PRCC: variants seen among roughly 807,000 people sequenced by gnomAD.
PRCC encodes the protein proline rich mitotic checkpoint control factor.
Under a neutral mutation model 44.0 loss-of-function variants are expected in PRCC, and 10 were observed. The ratio of observed to expected loss-of-function variants is 0.23; its 90% CI spans 0.14 to 0.39. The LOEUF is 0.39. Ranked by LOEUF, PRCC falls within the 10% of genes least tolerant of loss-of-function variation. The pLI, the probability that PRCC is intolerant of heterozygous loss-of-function variation, is 1.00. For synonymous variants in PRCC, 278 were observed against 259.5 expected (o/e 1.07, Z -0.69); for missense variants, 573 against 624.7 (o/e 0.92, Z 0.88).
At position 156,768,665 on chromosome 1, in the gene PRCC, A is replaced by G. The variant is rs182040719; in HGVS notation, c.468+426A>G. 4.5e-4 allele frequency among the ~76,000 whole-genome samples: 68 copies of G among 152,214 alleles called. No homozygotes were observed. The Middle Eastern group carries it at 0.01, about 23-fold the overall frequency. On this transcript the variant is annotated intron_variant, in intron 1 of 6. Transcript: ENST00000271526. ...GGACAAATCTTTTCCTTGCCTCTGA[A>G]CTCAAAAGCATCAGGCCTGGAGGAA...
chr1:156,778,613 C>T (rs1273148397), intron 1 of PRCC, among the ~76,000 whole-genome samples: 1 of 145,264 alleles, frequency 6.9e-6, no homozygotes, highest in African/African-American at 2.6e-5. Context: ...GGCAGGGTCT[C>T]ACTCTGTTGC....
intron 1 of PRCC, among the ~76,000 whole-genome samples, chr1:156,774,789 T>C (rs970428338): frequency 2.0e-5 from 3 of 151,694 alleles, no homozygotes; most frequent in African/African-American, 7.3e-5. Context: ...CCATCTCTAC[T>C]AAAAATATAA....
chr1:156,791,878 C>A (rs1440112723), intron 4 of PRCC, 86 bp downstream of exon 4: 1 of 1,272,018 alleles, frequency 7.9e-7, no homozygotes, highest in African/African-American at 1.5e-5. Context: ...AAAAAACACA[C>A]ACACACAAAA....
chr1:156,779,914 CAG>C (rs1398156598), intron 1 of PRCC, among the ~76,000 whole-genome samples: 1 of 148,792 alleles, frequency 6.7e-6, no homozygotes, highest in Non-Finnish European at 1.5e-5. Flanking sequence ...TTTTTTGAGA[CAG>C]AGTCTGCTCT....
intron 4 of PRCC, 106 bp from the exon 5 acceptor site, chr1:156,794,559 T>A: frequency 7.2e-7 from 1 of 1,383,800 alleles, no homozygotes; most frequent in Admixed American, 2.1e-5. Context: ...TGAGGGTGCC[T>A]TGGGATTGGT....
chr1:156,775,513 T>C (rs1033007569), intron 1 of PRCC, among the ~76,000 whole-genome samples: 2 of 63,680 alleles, frequency 3.1e-5, no homozygotes, highest in Non-Finnish European at 9.1e-5. Context: ...CGATTTAAAA[T>C]TTTTTTTTTT....
At chr1:156,800,244 G>A in intron 6 of PRCC, 130 bp from the exon 7 acceptor site, 1 of 747,414 alleles carries the variant, frequency 1.3e-6, no homozygotes, top group South Asian at 1.9e-5. Context: ...AGTCTTTCAA[G>A]GGGTTTGCAG....
chr1:156,800,534 C>A lies in PRCC; in HGVS notation c.*74C>A. ...TGGCCCCCAGCTTCACCTCTGGGAC[C>A]CCAGCTGCTCTAAGCCCAGGATCTC... On this transcript the variant is annotated 3_prime_UTR_variant, in exon 7 of 7. Transcript: ENST00000271526. 1 of 1,459,360 alleles carries A rather than the reference C, an allele frequency of 6.9e-7. No individual in the cohort carries two copies. The highest frequency in any genetic ancestry group is 1.4e-5 in the African/African-American group (1 of 71,738). 90.4% of individuals were successfully genotyped at this position (1,459,360 alleles called of 1,614,324 possible).
intron 1 of PRCC, among the ~76,000 whole-genome samples, chr1:156,771,736 G>A (rs1381064013): frequency 1.3e-5 from 2 of 148,152 alleles, no homozygotes; most frequent in Non-Finnish European, 3.0e-5. Context: ...TCGCTACATT[G>A]CCCAGGCTGG....
intron 1 of PRCC, among the ~76,000 whole-genome samples, chr1:156,780,054 TTTTA>T (rs1429078874): frequency 6.6e-6 from 1 of 151,982 alleles, no homozygotes; most frequent in African/African-American, 2.4e-5. Flanking sequence ...ACTTTTGTAT[TTTTA>T]TTTATTTATT....
rs1427034850 is a variant in PRCC at position 156,784,104 on chromosome 1, A to G, written c.516+1775A>G. 2.0e-5 allele frequency among the ~76,000 whole-genome samples: 3 copies of G among 151,654 alleles called. No individual in the cohort carries two copies. The South Asian group carries it at 6.3e-4, about 32-fold the overall frequency. Reference sequence around the variant, plus strand: ...TGGGACTACAGGCACCCGCCACCACACCCGGCTAATTTTTTTGTATTTTTA... The same window carrying G: ...TGGGACTACAGGCACCCGCCACCACGCCCGGCTAATTTTTTTGTATTTTTA... On this transcript the variant is annotated intron_variant, in intron 2 of 6. Coordinates refer to ENST00000271526, the MANE Select transcript of PRCC (RefSeq NM_005973.5).
At chr1:156,796,835 T>C (rs1313487499) in intron 5 of PRCC, 1 of 163,486 alleles carries the variant, frequency 6.1e-6, no homozygotes, top group Admixed American at 6.0e-5. Flanking sequence ...TGAAGGGAGA[T>C]GGGCACAGGG....
chr1:156,786,584 C>T, intron 2 of PRCC, 24 bp from the exon 3 acceptor site: 1 of 1,586,914 alleles, frequency 6.3e-7, no homozygotes, highest in South Asian at 1.1e-5. Context: ...TTCTTTCCTC[C>T]TATCCCACAC....
chr1:156,779,139 T>TAA (rs1558048287), intron 1 of PRCC, among the ~76,000 whole-genome samples: 5 of 56,118 alleles, frequency 8.9e-5, no homozygotes, highest in African/African-American at 4.3e-4. Context: ...TTTTTTTTTT[T>TAA]TTTTTTTTTT....
intron 1 of PRCC, among the ~76,000 whole-genome samples, chr1:156,774,579 TG>T (rs1319003605): frequency 6.6e-6 from 1 of 152,082 alleles, no homozygotes; most frequent in Non-Finnish European, 1.5e-5. Flanking sequence ...CTCTACCTCC[TG>T]GGCTCAAGCA....
At chr1:156,768,335 G>A in intron 1 of PRCC, 96 bp downstream of exon 1, 2 of 1,282,726 alleles carry the variant, frequency 1.6e-6, no homozygotes, top group South Asian at 1.3e-5. Flanking sequence ...TCCTACAAAC[G>A]CATCCGTGGA....
At position 156,791,748 on chromosome 1, in the gene PRCC, C is replaced by T. The variant is rs17850664; in HGVS notation, c.1135C>T (p.Pro379Ser). ...YPAQDPALVP[P>S]QEIAPDASFI... ...TGCACAGGACCCGGCCCTGGTCCCC[C>T]CCCAGGAAATTGCCCCAGATGCCTC... Residue 379 changes from proline to serine, a missense_variant, in exon 4 of 7, where the codon CCC (proline) becomes TCC (serine). Pro to Ser is a moderately conservative substitution (Grantham distance 74, BLOSUM62 -1). This residue lies in a region of PRCC where 141 missense variants were observed against 130.2 expected (regional missense o/e 1.08). Transcript: ENST00000271526. 5.0e-6 allele frequency: 8 copies of T among 1,613,810 alleles called. No individual in the cohort carries two copies. The Admixed American group carries it at 5.0e-5, about 10-fold the overall frequency.
intron 1 of PRCC, 82 bp downstream of exon 1, chr1:156,768,321 T>C: frequency 7.3e-7 from 1 of 1,379,004 alleles, no homozygotes; most frequent in Non-Finnish European, 9.9e-7. Flanking sequence ...ATTTCAGAAC[T>C]CCTTCCTACA....
chr1:156,794,692 C>A lies in PRCC; in HGVS notation c.1207C>A (p.Arg403=). ...AFKRLQGKRN[R]GREEINFVEI... The stretch of plus-strand genomic sequence containing the variant: ...TAAGCGGCTGCAGGGCAAGAGGAAC[C>A]GAGGGAGAGAAGAAATCAACTTTGT... Residue 403 remains arginine, a synonymous_variant, in exon 5 of 7, where the codon CGA becomes AGA. Coordinates refer to ENST00000271526, the MANE Select transcript of PRCC (RefSeq NM_005973.5). 6.2e-7 allele frequency: 1 copy of A among 1,614,028 alleles called. No homozygotes were observed. The highest frequency in any genetic ancestry group is 1.3e-5 in the African/African-American group (1 of 75,006).
Sources: allele counts gnomAD v4.1 joint callset (sites outside exome capture counted in the v4.1 genomes callset), GRCh38; gene constraint gnomAD v4.1.1; regional missense constraint gnomAD v4.1.1; transcripts MANE v1.5; gene names NCBI Gene and HGNC (gene_info 2026-07-23, HGNC 2026-07-21).